The following TMEM117 variants were observed in gnomAD, a reference collection of about 807,000 sequenced individuals.
The protein encoded by TMEM117 is transmembrane protein 117.
In TMEM117, 27 loss-of-function variants were observed where a neutral mutation model predicts 52.4. The observed-to-expected ratio is 0.51, with a 90% CI of 0.38 to 0.71. TMEM117 has a LOEUF of 0.71. Ranked by LOEUF, TMEM117 falls within the 30% of genes least tolerant of loss-of-function variation. The probability of loss-of-function intolerance (pLI) is 0.00; values close to 1 mark genes in which losing one functional copy is unlikely to be tolerated. For missense variants in TMEM117, 556 were observed against 630.5 expected (o/e 0.88, Z 1.26); for synonymous variants, 215 against 206.3 (o/e 1.04, Z -0.36).
At chr12:43,844,406 T>C (rs771644586) in intron 1 of TMEM117, among the ~76,000 whole-genome samples, 2 of 152,212 alleles carry the variant, frequency 1.3e-5, no homozygotes, top group Non-Finnish European at 2.9e-5. Context: ...TTGTTTTTCT[T>C]TCCTAAGTCC....
At chr12:43,981,667 A>G (rs972584535) in intron 3 of TMEM117, among the ~76,000 whole-genome samples, 4 of 152,240 alleles carry the variant, frequency 2.6e-5, no homozygotes, top group South Asian at 2.1e-4. Flanking sequence ...TAGTATTACA[A>G]AAAAGATACA....
chr12:43,814,462 T>A, the TMEM117 span, among the ~76,000 whole-genome samples: 1 of 152,172 alleles, frequency 6.6e-6, no homozygotes, highest in Non-Finnish European at 1.5e-5. Flanking sequence ...CTAACCCTGC[T>A]CGTCCTGGCC....
At chr12:44,079,799 C>T (rs913677358) in intron 3 of TMEM117, among the ~76,000 whole-genome samples, 64 of 151,806 alleles carry the variant, frequency 4.2e-4, no homozygotes, top group African/African-American at 1.5e-3. Context: ...GTGGATCACC[C>T]GAGGTCAGGA....
intron 3 of TMEM117, among the ~76,000 whole-genome samples, chr12:44,048,014 T>C (rs1171807776): frequency 6.6e-6 from 1 of 152,180 alleles, no homozygotes; most frequent in African/African-American, 2.4e-5. Flanking sequence ...TGAAATATTT[T>C]GGGAAAAATT....
intron 3 of TMEM117, among the ~76,000 whole-genome samples, chr12:44,018,907 A>G (rs1028094442): frequency 1.3e-5 from 2 of 151,782 alleles, no homozygotes; most frequent in Non-Finnish European, 2.9e-5. Context: ...TTTAGTAGAG[A>G]TGGGGTTTCA....
At chr12:43,912,195 T>C (rs966585083) in intron 2 of TMEM117, among the ~76,000 whole-genome samples, 12 of 148,554 alleles carry the variant, frequency 8.1e-5, no homozygotes, top group Non-Finnish European at 1.3e-4. Context: ...ATGTCCTTTG[T>C]AGGGACATGG....
intron 4 of TMEM117, among the ~76,000 whole-genome samples, chr12:44,161,395 C>T (rs924820500): frequency 6.6e-6 from 1 of 152,068 alleles, no homozygotes; most frequent in Non-Finnish European, 1.5e-5. Context: ...TGAACTGATC[C>T]CTACATCCTT....
chr12:44,388,788 A>T lies in TMEM117; in HGVS notation c.*116A>T, dbSNP rs1952132421. 1.8e-6 allele frequency: 2 copies of T among 1,127,712 alleles called. No individual in the cohort carries two copies. Among genetic ancestry groups the T allele is most frequent in the African/African-American group, 3.1e-5 (2 of 63,874 alleles). 69.9% of individuals were successfully genotyped at this position (1,127,712 alleles called of 1,614,324 possible). On this transcript the variant is annotated 3_prime_UTR_variant, in exon 8 of 8. Transcript: ENST00000266534. ...GTAGTGTTAGGTAAAAATATGAACA[A>T]TGCCACAACGGTGCTCAACATGCTT...
At position 43,886,018 on chromosome 12, in the gene TMEM117, G is replaced by A. The variant is rs968358155; in HGVS notation, c.277+41090G>A. Among the ~76,000 whole-genome samples the A allele has an allele frequency of 1.3e-4, 20 of 152,316 alleles. No individual in the cohort carries two copies. The Middle Eastern group carries it at 0.01, about 78-fold the overall frequency. ...ATAAGTTGGGATAGAGATAAAGGCA[G>A]TCAGCATGACATGGGGGAACCTTGT... On this transcript the variant is annotated intron_variant, in intron 2 of 7. Transcript: ENST00000266534.
At chr12:44,191,973 A>G (rs1460958603) in intron 4 of TMEM117, among the ~76,000 whole-genome samples, 1 of 152,182 alleles carries the variant, frequency 6.6e-6, no homozygotes. Context: ...GTAAAAGGTC[A>G]AGGGATACAA....
At chr12:44,077,798 A>G (rs1434776183) in intron 3 of TMEM117, among the ~76,000 whole-genome samples, 2 of 110,232 alleles carry the variant, frequency 1.8e-5, no homozygotes, top group African/African-American at 9.0e-5. Context: ...CAAACCAAAC[A>G]GGATTCCAAC....
chr12:44,186,509 G>A (rs1949280329), intron 4 of TMEM117, among the ~76,000 whole-genome samples: 1 of 152,168 alleles, frequency 6.6e-6, no homozygotes, highest in Non-Finnish European at 1.5e-5. Context: ...ATCTCCATAT[G>A]TTGTGTCACA....
intron 5 of TMEM117, among the ~76,000 whole-genome samples, chr12:44,273,928 T>TTTCAACACTG (rs1950480735): frequency 6.6e-6 from 1 of 152,102 alleles, no homozygotes; most frequent in Non-Finnish European, 1.5e-5. Context: ...GAATGCCCAC[T>TTTCAACACTG]TTCAACACTG....
intron 5 of TMEM117, among the ~76,000 whole-genome samples, chr12:44,214,541 A>T (rs1949691619): frequency 6.6e-6 from 1 of 152,174 alleles, no homozygotes; most frequent in South Asian, 2.1e-4. Context: ...TAAATGTTGT[A>T]AAAATGATAA....
intron 7 of TMEM117, among the ~76,000 whole-genome samples, chr12:44,385,538 T>G (rs1398068850): frequency 6.6e-6 from 1 of 152,132 alleles, no homozygotes; most frequent in African/African-American, 2.4e-5. Flanking sequence ...AGTTCAAGGC[T>G]GCAGTGAGCT....
intron 3 of TMEM117, among the ~76,000 whole-genome samples, chr12:44,114,078 C>G (rs907191134): frequency 1.3e-5 from 2 of 148,530 alleles, no homozygotes; most frequent in East Asian, 4.1e-4. Context: ...GCGCACGGTG[C>G]GCACACACAC....
rs117033723 is a variant in TMEM117, at chr12:44,216,691, A to C, written c.608+5304A>C. On this transcript the variant is annotated intron_variant, in intron 5 of 7. Transcript: ENST00000266534. ...TATTATAGTGGCAAAGCAGTTGGTA[A>C]AAACTGTGGTCTGTGATGACTTGGA... 1.9e-3 allele frequency among the ~76,000 whole-genome samples: 293 copies of C among 152,270 alleles called. 7 individuals are homozygous for C. In the East Asian group the frequency reaches 0.035, roughly 18 times the overall value.
the TMEM117 span, chr12:43,799,633 ATC>A: frequency 1.2e-5 from 6 of 517,848 alleles, no homozygotes; most frequent in East Asian, 3.3e-5. Context: ...GAATTTTAAT[ATC>A]TTTTTACTTT....
intron 5 of TMEM117, among the ~76,000 whole-genome samples, chr12:44,264,812 AAAT>A (rs1007865146): frequency 6.6e-6 from 1 of 152,180 alleles, no homozygotes; most frequent in African/African-American, 2.4e-5. Context: ...AATTGAAAAT[AAAT>A]AATAATAATA....
Sources: gnomAD v4.1 joint callset for allele counts (sites outside exome capture counted in the v4.1 genomes callset) on GRCh38, gnomAD v4.1.1 for gene constraint, MANE v1.5 for transcripts, NCBI Gene and HGNC (gene_info 2026-07-23, HGNC 2026-07-21) for gene names.